Variants in DENND1B observed in about 807,000 individuals in gnomAD.
DENND1B encodes the protein DENN domain containing 1B, also known as DENN domain-containing protein 1B.
DENND1B carries 59 observed loss-of-function variants against 90.1 expected under a neutral mutation model. The observed-to-expected ratio is 0.65, with a 90% confidence interval of 0.53 to 0.81. The LOEUF (loss-of-function observed/expected upper bound fraction) is 0.81, where lower values mean the gene tolerates loss of function less well. Ranked by LOEUF, DENND1B falls within the 40% of genes least tolerant of loss-of-function variation. The probability of loss-of-function intolerance (pLI) is 0.00; values close to 1 mark genes in which losing one functional copy is unlikely to be tolerated. For missense variants in DENND1B, 862 were observed against 912.6 expected (o/e 0.94, Z 0.71); for synonymous variants, 337 against 324.6 (o/e 1.04, Z -0.41).
chr1:197,579,969 T>C (rs190607448), intron 15 of DENND1B, among the ~76,000 whole-genome samples: 77 of 152,152 alleles, frequency 5.1e-4, no homozygotes, highest in Admixed American at 4.2e-3. Context: ...ATATTCTATT[T>C]CTGATAATTC....
chr1:197,718,765 A>G (rs764170754), intron 2 of DENND1B, among the ~76,000 whole-genome samples: 3 of 152,170 alleles, frequency 2.0e-5, no homozygotes, highest in Non-Finnish European at 2.9e-5. Context: ...ACCAATATGC[A>G]TGACATCTTG....
At chr1:197,765,950 A>T (rs1002996550) in intron 2 of DENND1B, among the ~76,000 whole-genome samples, 68 of 152,334 alleles carry the variant, frequency 4.5e-4, no homozygotes, top group African/African-American at 1.4e-3. Flanking sequence ...GTGAAGGAGG[A>T]TGTAATGCAC....
intron 10 of DENND1B, among the ~76,000 whole-genome samples, chr1:197,631,620 T>C (rs1162220671): frequency 6.6e-6 from 1 of 151,746 alleles, no homozygotes; most frequent in African/African-American, 2.4e-5. Flanking sequence ...CACCAGCAAC[T>C]GAAAAAGAGA....
intron 3 of DENND1B, among the ~76,000 whole-genome samples, chr1:197,676,082 CA>C (rs3046951): frequency 6.1e-4 from 70 of 114,888 alleles, no homozygotes; most frequent in Admixed American, 8.7e-4. Context: ...ACAGTATAGA[CA>C]AAAAAAAAAA....
chr1:197,542,427 TGCAGA>T (rs748668023), intron 18 of DENND1B, among the ~76,000 whole-genome samples: 3 of 152,176 alleles, frequency 2.0e-5, no homozygotes, highest in Non-Finnish European at 4.4e-5. Flanking sequence ...ATGTTCAAAG[TGCAGA>T]GCAAAGTGAT....
At chr1:197,747,382 T>C (rs1188171038) in intron 2 of DENND1B, 1 of 483,340 alleles carries the variant, frequency 2.1e-6, no homozygotes, top group East Asian at 4.6e-5. Context: ...TTCTGCAATG[T>C]AGCTTCATCT....
At chr1:197,755,849 C>T (rs951206348) in intron 2 of DENND1B, among the ~76,000 whole-genome samples, 1 of 152,158 alleles carries the variant, frequency 6.6e-6, no homozygotes, top group Admixed American at 6.5e-5. Flanking sequence ...GACCCATTTA[C>T]TATCACAAGA....
chr1:197,510,862 G>A lies in DENND1B; in HGVS notation c.1926C>T (p.His642=), dbSNP rs752113593. 3.1e-6 allele frequency: 5 copies of A among 1,611,326 alleles called. No homozygotes were observed. The highest frequency in any genetic ancestry group is 4.5e-5 in the East Asian group (2 of 44,824). Residue 642 remains histidine, a synonymous_variant, in exon 23 of 23, where the codon CAC becomes CAT. Transcript: ENST00000620048. ...GQDDSALHGK[H]LPPSPRKRVS... is the part of the protein sequence containing the mutation. The stretch of plus-strand genomic sequence containing the variant: ...CCCGCTTCCTAGGAGATGGAGGGAG[G>A]TGTTTGCCATGGAGGGCACTATCGT...
chr1:197,529,858 C>T (rs890307355), intron 20 of DENND1B, among the ~76,000 whole-genome samples: 13 of 152,236 alleles, frequency 8.5e-5, no homozygotes, highest in African/African-American at 3.1e-4. Flanking sequence ...GACTGTTCTG[C>T]ACCATGACCA....
At chr1:197,631,380 T>G (rs937770373) in intron 10 of DENND1B, among the ~76,000 whole-genome samples, 1 of 152,110 alleles carries the variant, frequency 6.6e-6, no homozygotes, top group East Asian at 1.9e-4. Flanking sequence ...AGAAATTAGA[T>G]GAATTATAAG....
At chr1:197,637,810 C>A (rs953271471) in intron 10 of DENND1B, among the ~76,000 whole-genome samples, 1 of 152,156 alleles carries the variant, frequency 6.6e-6, no homozygotes, top group Admixed American at 6.6e-5. Context: ...TTTAACTGCA[C>A]CACTCTGCTG....
intron 5 of DENND1B, among the ~76,000 whole-genome samples, chr1:197,667,316 T>C (rs1310507937): frequency 6.6e-6 from 1 of 152,176 alleles, no homozygotes; most frequent in Non-Finnish European, 1.5e-5. Context: ...GAAACATCAA[T>C]ATCTGGCTCA....
In DENND1B at chr1:197,677,007, C is replaced by CA. The variant is rs141786033; in HGVS notation, c.127-2839dup. Among the ~76,000 whole-genome samples, 938 of 149,088 alleles carry CA rather than the reference C, an allele frequency of 6.3e-3. 9 individuals are homozygous for CA. The highest frequency in any genetic ancestry group is 0.021 in the African/African-American group (838 of 40,664). On this transcript the variant is annotated intron_variant, in intron 3 of 22. Transcript: ENST00000620048. ...CAAGCATTTAAGAAAGAATTTACTT[C>CA]AAAAAAAAACACTAACGTTTACATC... is the stretch of plus-strand genomic sequence containing the variant.
intron 2 of DENND1B, among the ~76,000 whole-genome samples, chr1:197,721,573 A>G (rs1043600029): frequency 6.6e-6 from 1 of 152,172 alleles, no homozygotes; most frequent in Non-Finnish European, 1.5e-5. Flanking sequence ...TGGGCCATAA[A>G]GTGGGCAGGG....
chr1:197,587,692 T>C (rs916194751), intron 14 of DENND1B, among the ~76,000 whole-genome samples: 2 of 152,124 alleles, frequency 1.3e-5, no homozygotes, highest in African/African-American at 4.8e-5. Context: ...GGAAGACAAT[T>C]TTTCCACGGA....
At chr1:197,723,621 T>C (rs1398999413) in intron 2 of DENND1B, among the ~76,000 whole-genome samples, 1 of 152,120 alleles carries the variant, frequency 6.6e-6, no homozygotes, top group Non-Finnish European at 1.5e-5. Flanking sequence ...AGTTAATAGG[T>C]TGCTTGTAGA....
At chr1:197,779,928 T>G, upstream of DENND1B, among the ~76,000 whole-genome samples, 1 of 152,192 alleles carries the variant, frequency 6.6e-6, no homozygotes, top group East Asian at 1.9e-4. Context: ...TGTTATGTGA[T>G]CCTTAGAACT....
At chr1:197,672,284 G>C in intron 4 of DENND1B, 128 bp from the exon 5 acceptor site, 1 of 1,140,134 alleles carries the variant, frequency 8.8e-7, no homozygotes, top group Non-Finnish European at 1.2e-6. Context: ...CTTGAAGCTA[G>C]AACTATGTTC....
At chr1:197,702,437 A>G (rs1281234446) in intron 3 of DENND1B, among the ~76,000 whole-genome samples, 1 of 152,212 alleles carries the variant, frequency 6.6e-6, no homozygotes, top group Non-Finnish European at 1.5e-5. Context: ...ATTTCTATTT[A>G]ACCAAACTTA....
Sources: gnomAD v4.1 joint callset for allele counts (sites outside exome capture counted in the v4.1 genomes callset) on GRCh38, gnomAD v4.1.1 for gene constraint, MANE v1.5 for transcripts, NCBI Gene and HGNC (gene_info 2026-07-23, HGNC 2026-07-21) for gene names.